Variants in ERBIN observed in about 807,000 individuals in gnomAD.
ERBIN encodes the protein erbb2 interacting protein.
Under a neutral mutation model 158.4 loss-of-function variants are expected in ERBIN, and 60 were observed. The observed-to-expected ratio is 0.38, with a 90% CI of 0.31 to 0.47. The LOEUF is 0.47. Among genes scored for constraint, ERBIN ranks in the 20% least tolerant of loss-of-function variants. The pLI is 0.99. For synonymous variants in ERBIN, 594 were observed against 557.2 expected (o/e 1.07, Z -0.93); for missense variants, 1,610 against 1,648.0 (o/e 0.98, Z 0.40).
chr5:66,068,493 A>G lies in ERBIN; in HGVS notation c.3634-3676A>G, dbSNP rs187640519. Among the ~76,000 whole-genome samples the G allele has an allele frequency of 2.1e-3, 323 of 152,320 alleles. 1 individual carries two copies. The highest frequency in any genetic ancestry group is 7.6e-3 in the African/African-American group (317 of 41,560). ...CTGGGTGTTGGTAAAATTTATCTTT[A>G]TATAGAGAAATTAATTTCTGTTCTG... On this transcript the variant is annotated intron_variant, in intron 21 of 25. Transcript: ENST00000284037.
chr5:66,013,722 C>A, intron 6 of ERBIN, 84 bp downstream of exon 6: 1 of 817,966 alleles, frequency 1.2e-6, no homozygotes, highest in South Asian at 1.5e-5. Flanking sequence ...TAGTACTACT[C>A]ATTACAGTTT....
chr5:65,992,152 A>G (rs911318529), intron 2 of ERBIN, among the ~76,000 whole-genome samples: 4 of 152,086 alleles, frequency 2.6e-5, no homozygotes, highest in Admixed American at 1.3e-4. Context: ...CTCAAAGCAC[A>G]GTTTTTTTTG....
intron 19 of ERBIN, among the ~76,000 whole-genome samples, chr5:66,049,385 C>T (rs562314818): frequency 1.3e-5 from 2 of 152,158 alleles, no homozygotes; most frequent in South Asian, 4.1e-4. Context: ...TTTATGGCAT[C>T]AATGATACTT....
intron 21 of ERBIN, among the ~76,000 whole-genome samples, chr5:66,065,593 G>C (rs1241680571): frequency 3.5e-3 from 1 of 284 alleles, no homozygotes; most frequent in East Asian, 0.1. Flanking sequence ...ATTTTGACCT[G>C]TGTGTGTGTG....
chr5:66,018,898 G>A (rs1580368793), intron 7 of ERBIN, among the ~76,000 whole-genome samples: 1 of 151,768 alleles, frequency 6.6e-6, no homozygotes, highest in Admixed American at 6.6e-5. Flanking sequence ...GCCTCCCAAA[G>A]TGCTGGGATT....
At chr5:66,031,985 G>A (rs769472227) in intron 14 of ERBIN, among the ~76,000 whole-genome samples, 1 of 151,824 alleles carries the variant, frequency 6.6e-6, no homozygotes, top group Non-Finnish European at 1.5e-5. Flanking sequence ...GGGATTATAG[G>A]CCTGCACCAC....
chr5:66,051,723 C>G (rs1433674125), intron 20 of ERBIN, among the ~76,000 whole-genome samples: 1 of 151,810 alleles, frequency 6.6e-6, no homozygotes. Flanking sequence ...GAAACCCCAT[C>G]TCTACCAAAA....
chr5:65,959,922 T>A (rs1259098142), intron 1 of ERBIN, among the ~76,000 whole-genome samples: 3 of 152,202 alleles, frequency 2.0e-5, no homozygotes, highest in African/African-American at 7.2e-5. Context: ...TGGAGTTAAC[T>A]GGAACCTTCA....
intron 7 of ERBIN, among the ~76,000 whole-genome samples, chr5:66,017,160 T>A (rs1754840387): frequency 6.6e-6 from 1 of 152,058 alleles, no homozygotes; most frequent in Non-Finnish European, 1.5e-5. Context: ...GACATAGGAG[T>A]TCAGATAACC....
chr5:66,074,301 A>G (rs568792136), intron 22 of ERBIN, among the ~76,000 whole-genome samples: 1 of 152,192 alleles, frequency 6.6e-6, no homozygotes, highest in African/African-American at 2.4e-5. Flanking sequence ...CATTAAAACA[A>G]AGATAGTTCT....
At chr5:66,026,189 ATTTC>A (rs1361234028) in intron 12 of ERBIN, 109 bp from the exon 13 acceptor site, 20 of 743,914 alleles carry the variant, frequency 2.7e-5, no homozygotes, top group Admixed American at 2.2e-4. Context: ...TCTAGTCATT[ATTTC>A]TTCTATAAAT....
At chr5:66,060,769 C>CT (rs141455473) in intron 21 of ERBIN, among the ~76,000 whole-genome samples, 1 of 151,846 alleles carries the variant, frequency 6.6e-6, no homozygotes, top group African/African-American at 2.4e-5. Flanking sequence ...CAAAGAACAT[C>CT]TTTTTTTTCT....
intron 1 of ERBIN, among the ~76,000 whole-genome samples, chr5:65,940,808 G>C (rs1744895350): frequency 6.6e-6 from 1 of 152,074 alleles, no homozygotes; most frequent in South Asian, 2.1e-4. Flanking sequence ...CACCCCGTCT[G>C]GGAAGTGTAC....
intron 1 of ERBIN, among the ~76,000 whole-genome samples, chr5:65,958,615 GAGAGGGAGA>G (rs1257805703): frequency 4.1e-5 from 6 of 146,422 alleles, no homozygotes; most frequent in Admixed American, 3.4e-4. Context: ...ACCGTGGAAG[GAGAGGGAGA>G]CCGTGGGGAG....
chr5:65,927,249 C>T (rs1268953023), intron 1 of ERBIN, among the ~76,000 whole-genome samples: 1 of 152,196 alleles, frequency 6.6e-6, no homozygotes, highest in East Asian at 1.9e-4. Flanking sequence ...TATACTCATA[C>T]CGATTATATT....
At chr5:66,015,751 C>T (rs1234250326) in intron 7 of ERBIN, among the ~76,000 whole-genome samples, 7 of 152,086 alleles carry the variant, frequency 4.6e-5, no homozygotes, top group Non-Finnish European at 8.8e-5. Context: ...GAGTGAGGAT[C>T]GCTTGAGTCC....
intron 14 of ERBIN, among the ~76,000 whole-genome samples, chr5:66,033,476 A>G (rs1175431152): frequency 6.6e-6 from 1 of 152,222 alleles, no homozygotes; most frequent in Non-Finnish European, 1.5e-5. Flanking sequence ...AGAGTGAAGA[A>G]GGAAGAGTTA....
At chr5:66,009,872 G>A (rs899063751) in intron 4 of ERBIN, among the ~76,000 whole-genome samples, 5 of 152,090 alleles carry the variant, frequency 3.3e-5, no homozygotes, top group Non-Finnish European at 4.4e-5. Flanking sequence ...CTTAGATTAA[G>A]TGAAAAATAA....
chr5:66,028,995 T>C (rs1001466901), intron 14 of ERBIN, among the ~76,000 whole-genome samples: 4 of 152,188 alleles, frequency 2.6e-5, no homozygotes, highest in Non-Finnish European at 5.9e-5. Context: ...TAAGGCTGAA[T>C]AGTATTCCAT....
Sources: gnomAD v4.1 joint callset for allele counts (sites outside exome capture counted in the v4.1 genomes callset) on GRCh38, gnomAD v4.1.1 for gene constraint, MANE v1.5 for transcripts, NCBI Gene and HGNC (gene_info 2026-07-23, HGNC 2026-07-21) for gene names.